NFIA: variants seen among roughly 807,000 people sequenced by gnomAD.
NFIA encodes nuclear factor I A.
Under a neutral mutation model 62.8 loss-of-function variants are expected in NFIA, and 8 were observed. The observed-to-expected ratio is 0.13, with a 90% CI of 0.07 to 0.23. The LOEUF is 0.23. Among genes scored for constraint, NFIA ranks in the 10% least tolerant of loss-of-function variants. NFIA has a pLI of 1.00. For synonymous variants in NFIA, 235 were observed against 238.1 expected (o/e 0.99, Z 0.12); for missense variants, 410 against 642.1 (o/e 0.64, Z 3.91).
At chr1:61,393,610 C>A (rs1178289703) in intron 7 of NFIA, among the ~76,000 whole-genome samples, 1 of 152,052 alleles carries the variant, frequency 6.6e-6, no homozygotes, top group African/African-American at 2.4e-5. Context: ...ATTGGTGTGA[C>A]CCGGCTTCCC....
At chr1:61,428,675 G>T (rs962513289) in intron 10 of NFIA, among the ~76,000 whole-genome samples, 3 of 152,010 alleles carry the variant, frequency 2.0e-5, no homozygotes, top group African/African-American at 7.2e-5. Context: ...CGTAGATATA[G>T]ATAATAAAAA....
At chr1:61,089,002 T>C (rs1646269536) in intron 2 of NFIA, among the ~76,000 whole-genome samples, 1 of 152,236 alleles carries the variant, frequency 6.6e-6, no homozygotes, top group African/African-American at 2.4e-5. Flanking sequence ...AAAGAGTATA[T>C]TTTAACTGAC....
intron 1 of NFIA, among the ~76,000 whole-genome samples, chr1:61,085,208 C>T (rs1646197848): frequency 6.6e-6 from 1 of 151,538 alleles, no homozygotes; most frequent in Non-Finnish European, 1.5e-5. Context: ...AAAACTTTAC[C>T]AAGAAAAACC....
intron 3 of NFIA, among the ~76,000 whole-genome samples, chr1:61,329,689 A>G (rs970686253): frequency 1.3e-5 from 2 of 152,076 alleles, no homozygotes; most frequent in East Asian, 3.8e-4. Context: ...ACATGTTTTT[A>G]GCTGTTTCTG....
intron 2 of NFIA, among the ~76,000 whole-genome samples, chr1:61,239,411 C>T (rs1280873209): frequency 7.9e-5 from 12 of 152,104 alleles, no homozygotes; most frequent in East Asian, 1.9e-4. Context: ...TATGAAATCT[C>T]GTTATCGGGA....
chr1:61,077,771 T>A, upstream of NFIA: 1 of 505,746 alleles, frequency 2.0e-6, no homozygotes. Context: ...GGTAAATGTC[T>A]ATTGTGATGG....
intron 4 of NFIA, among the ~76,000 whole-genome samples, chr1:61,343,890 G>T (rs1662065619): frequency 6.6e-6 from 1 of 152,204 alleles, no homozygotes; most frequent in Admixed American, 6.5e-5. Context: ...TCTGCAGGGT[G>T]TCTGAATTAT....
At chr1:61,160,720 C>CCATGTGT (rs1649137737) in intron 2 of NFIA, among the ~76,000 whole-genome samples, 2 of 152,224 alleles carry the variant, frequency 1.3e-5, no homozygotes, top group African/African-American at 4.8e-5. Context: ...CTGACTAATG[C>CCATGTGT]AGATGACTGT....
intron 9 of NFIA, among the ~76,000 whole-genome samples, chr1:61,424,279 T>C (rs1053903969): frequency 1.3e-5 from 2 of 152,104 alleles, no homozygotes; most frequent in South Asian, 2.1e-4. Flanking sequence ...TGGGATATAA[T>C]ATAAATACCT....
intron 2 of NFIA, among the ~76,000 whole-genome samples, chr1:61,150,539 A>T (rs751752978): frequency 2.0e-5 from 3 of 152,150 alleles, no homozygotes; most frequent in Non-Finnish European, 2.9e-5. Context: ...ATATACTGAG[A>T]AGGTATTTTG....
chr1:61,301,151 CAGG>C (rs1185939791), intron 3 of NFIA, among the ~76,000 whole-genome samples: 1 of 146,098 alleles, frequency 6.8e-6, no homozygotes, highest in Non-Finnish European at 1.5e-5. Flanking sequence ...AGAACTTCAG[CAGG>C]AGGACACCGG....
chr1:61,235,415 A>G (rs1459001564), intron 2 of NFIA, among the ~76,000 whole-genome samples: 1 of 151,758 alleles, frequency 6.6e-6, no homozygotes, highest in East Asian at 1.9e-4. Flanking sequence ...GTGAGCCGAG[A>G]TGGCGCCACT....
At position 61,187,871 on chromosome 1, in the gene NFIA, C is replaced by T. The variant is rs551600915; in HGVS notation, c.560-89649C>T. 5.3e-5 allele frequency among the ~76,000 whole-genome samples: 8 copies of T among 152,224 alleles called. No individual in the cohort carries two copies. In the South Asian group the frequency reaches 8.3e-4, roughly 16 times the overall value. On this transcript the variant is annotated intron_variant, in intron 2 of 10. Coordinates refer to ENST00000403491, the MANE Select transcript of NFIA (RefSeq NM_001134673.4). ...TTGTTGAAGTGGGTCTGTGTGAGAG[C>T]GGGCTGTGCCCTCCTTCTCCACAGG...
Position 61,082,595 on chromosome 1 carries a change from G to A in NFIA, c.-197G>A, listed in dbSNP as rs1646128000. 1.4e-5 allele frequency: 21 copies of A among 1,466,534 alleles called. No individual in the cohort carries two copies. The highest frequency in any genetic ancestry group is 1.6e-5 in the Non-Finnish European group (18 of 1,111,184). 90.8% of individuals were successfully genotyped at this position (1,466,534 alleles called of 1,614,324 possible). ...GTTCAGCTCATGGAGCGGCAATAGC[G>A]CTGGCTGGCTGGCTGCAGTTGAGCC... is the stretch of plus-strand genomic sequence containing the variant. On this transcript the variant is annotated 5_prime_UTR_variant, in exon 1 of 11. Coordinates refer to ENST00000403491, the MANE Select transcript of NFIA (RefSeq NM_001134673.4).
chr1:61,397,106 G>T lies in NFIA; in HGVS notation c.1076-6998G>T, dbSNP rs141792078. On this transcript the variant is annotated intron_variant, in intron 7 of 10. Transcript: ENST00000403491. ...GGATTGTAGGTCTAAGTGAAAAATA[G>T]CATCTAAAGGGAGATGGCCCCATAG... Among the ~76,000 whole-genome samples the T allele has an allele frequency of 1.2e-4, 18 of 152,244 alleles. No homozygotes were observed. The East Asian group carries it at 3.5e-3, about 29-fold the overall frequency.
At chr1:61,398,763 T>G (rs1423666670) in intron 7 of NFIA, among the ~76,000 whole-genome samples, 4 of 152,204 alleles carry the variant, frequency 2.6e-5, no homozygotes, top group Admixed American at 6.5e-5. Flanking sequence ...ATAAATCCCT[T>G]AACTCCAAAC....
At chr1:61,161,739 T>TTA (rs1275007222) in intron 2 of NFIA, among the ~76,000 whole-genome samples, 2 of 152,108 alleles carry the variant, frequency 1.3e-5, no homozygotes, top group East Asian at 1.9e-4. Flanking sequence ...ACATTTACAT[T>TTA]TATATATACA....
At chr1:61,289,651 C>T (rs1466780319) in intron 3 of NFIA, among the ~76,000 whole-genome samples, 2 of 152,194 alleles carry the variant, frequency 1.3e-5, no homozygotes, top group Non-Finnish European at 2.9e-5. Flanking sequence ...GATGTCATCA[C>T]CTTCCCAGGA....
At chr1:61,359,328 G>T in intron 6 of NFIA, 54 bp downstream of exon 6, 3 of 1,610,254 alleles carry the variant, frequency 1.9e-6, no homozygotes, top group East Asian at 2.2e-5. Context: ...CTGAAAATAC[G>T]TGTGGGGTCC....
Sources: allele counts gnomAD v4.1 joint callset (sites outside exome capture counted in the v4.1 genomes callset), GRCh38; gene constraint gnomAD v4.1.1; transcripts MANE v1.5; gene names NCBI Gene and HGNC (gene_info 2026-07-23, HGNC 2026-07-21).